Variants in MAGI2 observed in about 807,000 individuals in gnomAD.
MAGI2 encodes membrane associated guanylate kinase, WW and PDZ domain containing 2, also known as membrane-associated guanylate kinase, WW and PDZ domain-containing protein 2.
Under a neutral mutation model 133.3 loss-of-function variants are expected in MAGI2, and 35 were observed. That is an observed-to-expected ratio of 0.26 (90% confidence interval 0.20 to 0.35). The LOEUF is 0.35. MAGI2 is among the 10% of genes least tolerant of loss of function. The pLI, the probability that MAGI2 is intolerant of heterozygous loss-of-function variation, is 1.00. For synonymous variants in MAGI2, 729 were observed against 710.6 expected, an observed-to-expected ratio of 1.03 and a Z score of -0.41; for missense variants, 1,636 against 1,863.4, an observed-to-expected ratio of 0.88 and a Z score of 2.25.
intron 21 of MAGI2, among the ~76,000 whole-genome samples, chr7:78,024,298 C>T (rs190268025): frequency 7.6e-4 from 115 of 152,266 alleles, no homozygotes; most frequent in African/African-American, 2.5e-3. Flanking sequence ...TTTCATTATT[C>T]ATGTAGCTTT....
intron 1 of MAGI2, among the ~76,000 whole-genome samples, chr7:79,360,047 A>C (rs185509593): frequency 6.6e-6 from 1 of 152,334 alleles, no homozygotes; most frequent in Admixed American, 6.5e-5. Context: ...CCATTTCAAA[A>C]AAATTAAATT....
chr7:78,489,782 G>A lies in MAGI2; in HGVS notation c.1024C>T (p.Pro342Ser). 1 of 1,612,652 alleles carries A rather than the reference G, an allele frequency of 6.2e-7. No homozygotes were observed. The highest frequency in any genetic ancestry group is 8.5e-7 in the Non-Finnish European group (1 of 1,179,108). Residue 342 changes from proline to serine, a missense_variant, in exon 6 of 22, where the codon CCA becomes TCA. Physicochemically the swap from Pro to Ser is moderately conservative, Grantham distance 74. Transcript: ENST00000354212. The part of the protein sequence containing the change: ...DPRLAKKAKP[P>S]EECKENELPY... The stretch of plus-strand genomic sequence containing the variant: ...CTACCATTTTCTTTGCACTCTTCTG[G>A]AGGTTTAGCCTTTTTCGCAAGTCGT...
chr7:79,011,881 CT>C (rs1220509272), intron 1 of MAGI2, among the ~76,000 whole-genome samples: 14 of 67,068 alleles, frequency 2.1e-4, no homozygotes, highest in African/African-American at 6.7e-4. Flanking sequence ...TCCTTCCTTC[CT>C]TTCTTCCTTC....
At chr7:79,407,640 A>T (rs1257445887) in intron 1 of MAGI2, among the ~76,000 whole-genome samples, 3 of 152,170 alleles carry the variant, frequency 2.0e-5, no homozygotes, top group Non-Finnish European at 4.4e-5. Flanking sequence ...AATTTTGGTC[A>T]GTTGTAAGGC....
intron 13 of MAGI2, among the ~76,000 whole-genome samples, chr7:78,178,932 A>AT (rs999456710): frequency 6.6e-6 from 1 of 152,202 alleles, no homozygotes; most frequent in South Asian, 2.1e-4. Context: ...CCTGAATGTC[A>AT]TTTTTTCAGC....
chr7:79,088,802 T>C (rs1378608012), intron 1 of MAGI2, among the ~76,000 whole-genome samples: 2 of 152,086 alleles, frequency 1.3e-5, no homozygotes, highest in Non-Finnish European at 2.9e-5. Flanking sequence ...GTTTATGTGA[T>C]GGATTATGTT....
At chr7:78,447,781 G>A (rs977428138) in intron 6 of MAGI2, among the ~76,000 whole-genome samples, 4 of 152,060 alleles carry the variant, frequency 2.6e-5, no homozygotes, top group Non-Finnish European at 4.4e-5. Flanking sequence ...CAACAGCCTG[G>A]GGAAATCCTT....
At chr7:79,252,796 A>G (rs1274869919) in intron 1 of MAGI2, among the ~76,000 whole-genome samples, 6 of 152,188 alleles carry the variant, frequency 3.9e-5, no homozygotes, top group Admixed American at 3.9e-4. Context: ...ATATTAAGAG[A>G]CAAATTCTTA....
intron 3 of MAGI2, among the ~76,000 whole-genome samples, chr7:78,583,084 G>A (rs527343214): frequency 6.6e-6 from 1 of 152,152 alleles, no homozygotes; most frequent in Non-Finnish European, 1.5e-5. Context: ...GGAAGTGTGA[G>A]TATAGAAAAA....
At chr7:79,291,934 AT>A (rs879598841) in intron 1 of MAGI2, among the ~76,000 whole-genome samples, 15 of 151,668 alleles carry the variant, frequency 9.9e-5, no homozygotes, top group Admixed American at 2.6e-4. Context: ...AATTTATCTG[AT>A]TTTTTTTCAC....
intron 1 of MAGI2, among the ~76,000 whole-genome samples, chr7:79,377,411 G>A (rs1019346480): frequency 6.6e-6 from 1 of 151,740 alleles, no homozygotes; most frequent in South Asian, 2.1e-4. Context: ...ATTTTTAAAA[G>A]CATTTTCCGC....
chr7:79,298,677 A>G (rs1045101816), intron 1 of MAGI2, among the ~76,000 whole-genome samples: 9 of 152,136 alleles, frequency 5.9e-5, no homozygotes, highest in Admixed American at 1.3e-4. Flanking sequence ...CAAAATTCAT[A>G]TGTTGAAGTC....
intron 1 of MAGI2, among the ~76,000 whole-genome samples, chr7:79,069,388 A>G (rs1357709019): frequency 2.0e-5 from 3 of 152,140 alleles, no homozygotes; most frequent in Non-Finnish European, 2.9e-5. Context: ...TTGTTGGTTT[A>G]AAGTCTGTTT....
At chr7:78,917,694 T>C (rs901563334) in intron 2 of MAGI2, among the ~76,000 whole-genome samples, 1 of 152,106 alleles carries the variant, frequency 6.6e-6, no homozygotes, top group Non-Finnish European at 1.5e-5. Context: ...CAAAGGCCAA[T>C]TGCAAGTCAT....
At chr7:78,754,175 G>A (rs751762530) in intron 2 of MAGI2, among the ~76,000 whole-genome samples, 32 of 151,834 alleles carry the variant, frequency 2.1e-4, no homozygotes, top group Non-Finnish European at 3.1e-4. Flanking sequence ...CCAGGAGTTC[G>A]GGACCAGCCT....
At chr7:79,099,604 G>GT (rs1562888234) in intron 1 of MAGI2, among the ~76,000 whole-genome samples, 1 of 152,112 alleles carries the variant, frequency 6.6e-6, no homozygotes, top group African/African-American at 2.4e-5. Flanking sequence ...CCAATGGGTA[G>GT]TTTTTTCTTC....
intron 16 of MAGI2, among the ~76,000 whole-genome samples, chr7:78,148,690 T>C (rs1446596308): frequency 6.6e-6 from 1 of 151,850 alleles, no homozygotes; most frequent in Non-Finnish European, 1.5e-5. Flanking sequence ...GTGGTCAAGG[T>C]TAGGGGAAGC....
intron 2 of MAGI2, among the ~76,000 whole-genome samples, chr7:78,796,520 C>T (rs1001310361): frequency 6.6e-6 from 1 of 152,080 alleles, no homozygotes; most frequent in Non-Finnish European, 1.5e-5. Flanking sequence ...AAGGAGGATG[C>T]TCATACACTG....
At chr7:78,704,045 A>G (rs1166857779) in intron 2 of MAGI2, among the ~76,000 whole-genome samples, 1 of 152,152 alleles carries the variant, frequency 6.6e-6, no homozygotes, top group Non-Finnish European at 1.5e-5. Context: ...GCCAAAAGCA[A>G]TTGCAACAGA....
Sources: gnomAD v4.1 joint callset for allele counts (sites outside exome capture counted in the v4.1 genomes callset) on GRCh38, gnomAD v4.1.1 for gene constraint, MANE v1.5 for transcripts, NCBI Gene and HGNC (gene_info 2026-07-23, HGNC 2026-07-21) for gene names.